Variants in ATRN observed in about 807,000 individuals in gnomAD.
ATRN encodes the protein attractin-2.
In ATRN, 54 loss-of-function variants were observed where a neutral mutation model predicts 178.7. The observed-to-expected ratio is 0.30, with a 90% CI of 0.24 to 0.38. ATRN has a LOEUF of 0.38. Among genes scored for constraint, ATRN ranks in the 10% least tolerant of loss-of-function variants. The probability of loss-of-function intolerance (pLI) is 1.00; values close to 1 mark genes in which losing one functional copy is unlikely to be tolerated. For synonymous variants in ATRN, 636 were observed against 663.0 expected (o/e 0.96, Z 0.63); for missense variants, 1,443 against 1,815.1 (o/e 0.79, Z 3.73).
At chr20:3,573,170 A>G (rs2086152735) in intron 12 of ATRN, among the ~76,000 whole-genome samples, 1 of 152,180 alleles carries the variant, frequency 6.6e-6, no homozygotes, top group East Asian at 1.9e-4. Flanking sequence ...TGCGAGTGAT[A>G]GAGACATAAC....
chr20:3,565,821 GAGAAA>G (rs2086027513), intron 11 of ATRN, among the ~76,000 whole-genome samples: 1 of 121,066 alleles, frequency 8.3e-6, no homozygotes, highest in African/African-American at 3.2e-5. Flanking sequence ...AAAAAAAAAA[GAGAAA>G]AGTAAAGTGG....
intron 1 of ATRN, among the ~76,000 whole-genome samples, chr20:3,511,298 AGAC>A (rs1454818745): frequency 3.3e-5 from 5 of 152,328 alleles, no homozygotes; most frequent in African/African-American, 1.2e-4. Context: ...ACATTAGAAA[AGAC>A]TAATAAAACT....
chr20:3,530,256 T>TTA (rs916109024), intron 1 of ATRN, among the ~76,000 whole-genome samples: 25 of 147,288 alleles, frequency 1.7e-4, no homozygotes, highest in African/African-American at 4.2e-4. Flanking sequence ...AAATTATATA[T>TTA]TATATATATA....
intron 1 of ATRN, among the ~76,000 whole-genome samples, chr20:3,512,395 A>T (rs2085147389): frequency 6.6e-6 from 1 of 151,656 alleles, no homozygotes; most frequent in Non-Finnish European, 1.5e-5. Context: ...GCTGAGAATG[A>T]TGGTTTCCAG....
chr20:3,553,199 T>C (rs2085813770), intron 6 of ATRN, among the ~76,000 whole-genome samples: 1 of 152,164 alleles, frequency 6.6e-6, no homozygotes, highest in South Asian at 2.1e-4. Context: ...TGAAAGTGAT[T>C]GTGCCTTCTG....
At chr20:3,589,458 CTT>C (rs1417846066) in intron 18 of ATRN, among the ~76,000 whole-genome samples, 2 of 151,378 alleles carry the variant, frequency 1.3e-5, no homozygotes, top group Non-Finnish European at 2.9e-5. Flanking sequence ...AGCTTGCTCT[CTT>C]ATATTGTGGA....
At chr20:3,590,943 A>T (rs1001346251) in intron 18 of ATRN, among the ~76,000 whole-genome samples, 4 of 152,172 alleles carry the variant, frequency 2.6e-5, no homozygotes, top group Admixed American at 2.6e-4. Flanking sequence ...ATATTTTTTA[A>T]TATCACTATG....
intron 22 of ATRN, 30 bp downstream of exon 22, chr20:3,598,030 T>C: frequency 6.9e-7 from 1 of 1,459,270 alleles, no homozygotes; most frequent in Non-Finnish European, 9.6e-7. Flanking sequence ...TCCTATTTTG[T>C]TTTGAATTTG....
intron 18 of ATRN, among the ~76,000 whole-genome samples, chr20:3,588,380 G>A (rs1366374751): frequency 6.6e-6 from 1 of 151,690 alleles, no homozygotes; most frequent in Admixed American, 6.6e-5. Flanking sequence ...GTTTTTTGAG[G>A]GTTTTGTAAT....
chr20:3,512,116 T>A (rs1370899999), intron 1 of ATRN, among the ~76,000 whole-genome samples: 1 of 144,736 alleles, frequency 6.9e-6, no homozygotes, highest in Non-Finnish European at 1.5e-5. Context: ...TATTTTTTTT[T>A]TTTATTATAC....
chr20:3,611,900 T>C (rs78653164), intron 24 of ATRN, among the ~76,000 whole-genome samples: 5,785 of 152,274 alleles, frequency 0.038, 146 homozygotes, highest in Non-Finnish European at 0.056. Context: ...TTGGTGGGAA[T>C]ATAAGATGGT....
chr20:3,508,685 A>T (rs1435984543), intron 1 of ATRN, among the ~76,000 whole-genome samples: 4 of 152,236 alleles, frequency 2.6e-5, no homozygotes, highest in African/African-American at 9.6e-5. Flanking sequence ...AAATACAGAG[A>T]TTCTAAGAGG....
chr20:3,558,986 G>A (rs565727864), intron 6 of ATRN, among the ~76,000 whole-genome samples: 28 of 152,238 alleles, frequency 1.8e-4, no homozygotes, highest in African/African-American at 6.7e-4. Context: ...GGAAAGATTA[G>A]TAATTTTCTT....
chr20:3,534,348 C>T (rs962728455), intron 1 of ATRN, among the ~76,000 whole-genome samples: 3 of 151,928 alleles, frequency 2.0e-5, no homozygotes, highest in Non-Finnish European at 2.9e-5. Flanking sequence ...AATGTTGTTA[C>T]TGGTAATAGC....
At chr20:3,493,064 TTATA>T (rs1266249430) in intron 1 of ATRN, among the ~76,000 whole-genome samples, 2 of 146,522 alleles carry the variant, frequency 1.4e-5, no homozygotes, top group East Asian at 1.9e-4. Flanking sequence ...GTATTATAGA[TTATA>T]TATTATATAT....
chr20:3,520,269 G>A (rs560487063), intron 1 of ATRN, among the ~76,000 whole-genome samples: 11 of 152,216 alleles, frequency 7.2e-5, no homozygotes, highest in Admixed American at 5.9e-4. Flanking sequence ...AAGGAAGAAA[G>A]GGTAGATGTA....
At chr20:3,522,098 T>C (rs1178817427) in intron 1 of ATRN, among the ~76,000 whole-genome samples, 1 of 152,110 alleles carries the variant, frequency 6.6e-6, no homozygotes, top group African/African-American at 2.4e-5. Context: ...GGAATTGCAA[T>C]AGAAATCATT....
chr20:3,640,698 A>C (rs1341100056), intron 27 of ATRN, among the ~76,000 whole-genome samples: 1 of 152,242 alleles, frequency 6.6e-6, no homozygotes, highest in Non-Finnish European at 1.5e-5. Flanking sequence ...CACTGTGGAA[A>C]ACAGTACCAC....
Position 3,649,519 on chromosome 20 carries a change from C to T in ATRN, c.*2672C>T, listed in dbSNP as rs2087131103. The stretch of plus-strand genomic sequence containing the variant: ...CATTGTGTGATGTGTTCAGATGCAT[C>T]TGGCACCAATTAGGTATTTCTTAAA... On this transcript the variant is annotated 3_prime_UTR_variant, in exon 29 of 29. Transcript: ENST00000262919. The T allele has an allele frequency of 6.6e-6, 1 of 152,238 alleles. No individual in the cohort carries two copies. The highest frequency in any genetic ancestry group is 6.5e-5 in the Admixed American group (1 of 15,288). 9.4% of individuals were successfully genotyped at this position (152,238 alleles called of 1,614,324 possible). A position where few individuals can be genotyped will look rare whatever the true frequency, so the allele number is the denominator to read the frequency against.
Sources: allele counts gnomAD v4.1 joint callset (sites outside exome capture counted in the v4.1 genomes callset), GRCh38; gene constraint gnomAD v4.1.1; transcripts MANE v1.5; gene names NCBI Gene and HGNC (gene_info 2026-07-23, HGNC 2026-07-21).